TNKS: variants seen among roughly 807,000 people sequenced by gnomAD.
The protein encoded by TNKS is poly [ADP-ribose] polymerase tankyrase-1.
A neutral mutation model predicts 135.8 loss-of-function variants in TNKS; 72 were observed. That is an observed-to-expected ratio of 0.53 (90% CI 0.44 to 0.64). The LOEUF (loss-of-function observed/expected upper bound fraction) is 0.64, where lower values mean the gene tolerates loss of function less well. Ranked by LOEUF, TNKS falls within the 30% of genes least tolerant of loss-of-function variation. The pLI, the probability that TNKS is intolerant of heterozygous loss-of-function variation, is 0.00. For synonymous variants in TNKS, 849 were observed against 649.3 expected, an observed-to-expected ratio of 1.31 and a Z score of -4.68; for missense variants, 1,769 against 1,674.0, an observed-to-expected ratio of 1.06 and a Z score of -0.99.
At position 9,704,702 on chromosome 8, in the gene TNKS, C is replaced by A. The variant is rs747680650; in HGVS notation, c.1147C>A (p.Arg383=). ...LHLAAGYNRV[R]IVQLLLQHGA... ...TCTAGCAGCGGGCTACAACAGAGTTCGAATAGTTCAGCTTCTTCTTCAGCA... is the reference window on the plus strand; with the variant it reads ...TCTAGCAGCGGGCTACAACAGAGTTAGAATAGTTCAGCTTCTTCTTCAGCA... The change falls in exon 6 of 27, where the codon CGA becomes AGA. Residue 383 remains arginine (R), a synonymous_variant. Coordinates refer to ENST00000310430, the MANE Select transcript of TNKS (RefSeq NM_003747.3). 6.2e-7 allele frequency: 1 copy of A among 1,613,412 alleles called. No homozygotes were observed. The highest frequency in any genetic ancestry group is 1.1e-5 in the South Asian group (1 of 90,998).
In TNKS at chr8:9,556,138, G is replaced by A. The variant is rs770725238; in HGVS notation, c.199G>A (p.Glu67Lys). Reference sequence around the variant, plus strand: ...CCCGCGGCACGGCCTAGCGCTGCCGGAGGGGGATGGCAGTCGGGATCCGCC... The same window carrying A: ...CCCGCGGCACGGCCTAGCGCTGCCGAAGGGGGATGGCAGTCGGGATCCGCC... ...ASPRHGLALP[E>K]GDGSRDPPDR... is the part of the protein sequence containing the mutation. The change falls in exon 1 of 27, where the codon GAG becomes AAG. Residue 67 changes from glutamate to lysine, a missense_variant. Glu to Lys is a moderately conservative substitution (Grantham distance 56, BLOSUM62 1). This residue lies in a region of TNKS where 450 missense variants were observed against 304.9 expected (regional missense o/e 1.48). Transcript: ENST00000310430. 2 of 1,607,060 alleles carry A rather than the reference G, an allele frequency of 1.2e-6. No individual in the cohort carries two copies. Among genetic ancestry groups the A allele is most frequent in the Admixed American group, 1.7e-5 (1 of 59,760 alleles).
rs190659072 is a variant in TNKS at position 9,634,779 on chromosome 8, C to G, written c.994+19102C>G. Among the ~76,000 whole-genome samples, 46 of 152,146 alleles carry G rather than the reference C, an allele frequency of 3.0e-4. No homozygotes were observed. In the East Asian group the frequency reaches 8.7e-3, roughly 29 times the overall value. On this transcript the variant is annotated intron_variant, in intron 3 of 26. Coordinates refer to ENST00000310430, the MANE Select transcript of TNKS (RefSeq NM_003747.3). ...CTTCCAAGAGCTTGGTTTCTACATG[C>G]CGTTTATTAAAAGACACCAAAACTT...
At chr8:9,717,462 A>G (rs1296255336) in intron 11 of TNKS, among the ~76,000 whole-genome samples, 1 of 152,070 alleles carries the variant, frequency 6.6e-6, no homozygotes, top group African/African-American at 2.4e-5. Flanking sequence ...AAACACTGGC[A>G]TTTACCCTTC....
intron 3 of TNKS, among the ~76,000 whole-genome samples, chr8:9,668,329 C>G (rs1176479134): frequency 6.6e-6 from 1 of 152,126 alleles, no homozygotes; most frequent in Admixed American, 6.5e-5. Flanking sequence ...AATAAAAGCA[C>G]CTTTAGATCC....
At chr8:9,668,403 A>T (rs1325359964) in intron 3 of TNKS, among the ~76,000 whole-genome samples, 5 of 152,208 alleles carry the variant, frequency 3.3e-5, no homozygotes, top group African/African-American at 1.2e-4. Flanking sequence ...TCTAGTTGTC[A>T]AGTATTTACA....
At chr8:9,755,487 C>T (rs2128830353) in intron 20 of TNKS, among the ~76,000 whole-genome samples, 1 of 152,246 alleles carries the variant, frequency 6.6e-6, no homozygotes, top group South Asian at 2.1e-4. Context: ...TGTGTCTGGC[C>T]CAATCATCAA....
intron 2 of TNKS, among the ~76,000 whole-genome samples, chr8:9,581,289 A>G (rs931869255): frequency 1.2e-4 from 19 of 152,210 alleles, no homozygotes; most frequent in African/African-American, 4.1e-4. Context: ...AAATTATTGC[A>G]ATGCCTGATA....
Position 9,608,114 on chromosome 8 carries a change from T to C in TNKS, c.899-7468T>C, listed in dbSNP as rs1463662090. On this transcript the variant is annotated intron_variant, in intron 2 of 26. Coordinates refer to ENST00000310430, the MANE Select transcript of TNKS (RefSeq NM_003747.3). ...TGCCATCACGCCTGGCTCATTTTTT[T>C]ACTTTTTGAAAAGTCCAGGTCTCCC... is the stretch of plus-strand genomic sequence containing the variant. Among the ~76,000 whole-genome samples, 4 of 152,106 alleles carry C rather than the reference T, an allele frequency of 2.6e-5. 1 individual carries two copies. Among genetic ancestry groups the C allele is most frequent in the Admixed American group, 2.6e-4 (4 of 15,272 alleles).
chr8:9,712,134 G>A (rs1338195341), intron 11 of TNKS, among the ~76,000 whole-genome samples: 1 of 152,180 alleles, frequency 6.6e-6, no homozygotes, highest in African/African-American at 2.4e-5. Flanking sequence ...CCATGAATCT[G>A]TATGAAATCT....
chr8:9,609,882 G>C (rs988093625), intron 2 of TNKS, among the ~76,000 whole-genome samples: 12 of 151,968 alleles, frequency 7.9e-5, no homozygotes, highest in Non-Finnish European at 1.5e-4. Context: ...TTTTGAAGTG[G>C]AGTCTCGCTC....
At chr8:9,687,778 C>T (rs186380210) in intron 5 of TNKS, among the ~76,000 whole-genome samples, 4 of 152,218 alleles carry the variant, frequency 2.6e-5, no homozygotes, top group South Asian at 4.2e-4. Flanking sequence ...CTCAAGGGAC[C>T]GGAAGGGAGT....
At position 9,606,544 on chromosome 8, in the gene TNKS, C is replaced by T. The variant is rs530042197; in HGVS notation, c.899-9038C>T. Reference sequence around the variant, plus strand: ...GTTCCACAGTTTCCCACTTGATTATCAGAGTATGTCTATGTTTCACTTCTT... The same window carrying T: ...GTTCCACAGTTTCCCACTTGATTATTAGAGTATGTCTATGTTTCACTTCTT... On this transcript the variant is annotated intron_variant, in intron 2 of 26. Coordinates refer to ENST00000310430, the MANE Select transcript of TNKS (RefSeq NM_003747.3). Among the ~76,000 whole-genome samples the T allele has an allele frequency of 3.0e-4, 46 of 152,210 alleles. 1 individual carries two copies. The highest frequency in any genetic ancestry group is 1.1e-3 in the African/African-American group (45 of 41,562).
intron 26 of TNKS, chr8:9,772,359 A>C (rs78578674): frequency 1.3e-5 from 6 of 455,082 alleles, no homozygotes; most frequent in Non-Finnish European, 2.7e-5. Context: ...GGCTTATATT[A>C]TCTCTCTAGG....
At chr8:9,692,026 T>C (rs1452807205) in intron 5 of TNKS, among the ~76,000 whole-genome samples, 2 of 152,184 alleles carry the variant, frequency 1.3e-5, no homozygotes, top group East Asian at 3.9e-4. Flanking sequence ...ATCTTGTTCC[T>C]CCTGTCCCTT....
chr8:9,772,697 G>A (rs942408760), intron 26 of TNKS, among the ~76,000 whole-genome samples: 7 of 152,036 alleles, frequency 4.6e-5, no homozygotes, highest in South Asian at 4.2e-4. Flanking sequence ...CTGTACTTAC[G>A]TAAGGCAATA....
At chr8:9,713,459 C>T (rs557270967) in intron 11 of TNKS, among the ~76,000 whole-genome samples, 12 of 152,226 alleles carry the variant, frequency 7.9e-5, no homozygotes, top group African/African-American at 2.9e-4. Flanking sequence ...TCTAGTCAGC[C>T]TTTCTCTAGG....
intron 5 of TNKS, among the ~76,000 whole-genome samples, chr8:9,684,587 A>G (rs529415388): frequency 5.8e-4 from 88 of 152,258 alleles, no homozygotes; most frequent in African/African-American, 2.1e-3. Context: ...TAGAAATAAT[A>G]TGTATCTTTG....
At chr8:9,644,496 A>G (rs1039511525) in intron 3 of TNKS, among the ~76,000 whole-genome samples, 1 of 152,188 alleles carries the variant, frequency 6.6e-6, no homozygotes, top group African/African-American at 2.4e-5. Flanking sequence ...TCTGAAAGAG[A>G]AATTTTAACG....
intron 2 of TNKS, among the ~76,000 whole-genome samples, chr8:9,581,641 G>T (rs1226830135): frequency 1.3e-5 from 2 of 152,116 alleles, no homozygotes; most frequent in African/African-American, 4.8e-5. Context: ...ACTGCTTCTT[G>T]CTTCACCTTG....
Sources: gnomAD v4.1 joint callset for allele counts (sites outside exome capture counted in the v4.1 genomes callset) on GRCh38, gnomAD v4.1.1 for gene constraint, gnomAD v4.1.1 regional missense constraint, MANE v1.5 for transcripts, NCBI Gene and HGNC (gene_info 2026-07-23, HGNC 2026-07-21) for gene names.